The following MTMR14 variants were observed in gnomAD, a reference collection of about 807,000 sequenced individuals.
The protein encoded by MTMR14 is phosphatidylinositol-3,5-bisphosphate 3-phosphatase MTMR14.
Under a neutral mutation model 86.3 loss-of-function variants are expected in MTMR14, and 48 were observed. That is an observed-to-expected ratio of 0.56 (90% confidence interval 0.44 to 0.71). MTMR14 has a LOEUF of 0.71. Ranked by LOEUF, MTMR14 falls within the 30% of genes least tolerant of loss-of-function variation. The probability of loss-of-function intolerance (pLI) is 0.00; values close to 1 mark genes in which losing one functional copy is unlikely to be tolerated. For synonymous variants in MTMR14, 366 were observed against 326.1 expected, an observed-to-expected ratio of 1.12 and a Z score of -1.32; for missense variants, 780 against 834.6, an observed-to-expected ratio of 0.93 and a Z score of 0.81.
chr3:9,660,124 A>G (rs2047839760), intron 2 of MTMR14, among the ~76,000 whole-genome samples: 1 of 152,210 alleles, frequency 6.6e-6, no homozygotes, highest in Admixed American at 6.5e-5. Context: ...GAGTCTAGTT[A>G]GGCAATTAAT....
intron 6 of MTMR14, among the ~76,000 whole-genome samples, chr3:9,672,217 T>TA (rs548966854): frequency 2.0e-4 from 30 of 152,186 alleles, no homozygotes; most frequent in Admixed American, 9.2e-4. Flanking sequence ...CCTTGGTTGA[T>TA]ATGTTGGAAT....
chr3:9,653,966 C>G, intron 2 of MTMR14, 197 bp downstream of exon 2: 1 of 672,398 alleles, frequency 1.5e-6, no homozygotes, highest in Non-Finnish European at 2.6e-6. Context: ...TTGGGAGTAA[C>G]AGCCCTTGAT....
chr3:9,662,159 A>C (rs2047977903), intron 2 of MTMR14, 108 bp from the exon 3 acceptor site: 2 of 775,344 alleles, frequency 2.6e-6, no homozygotes, highest in African/African-American at 3.4e-5. Flanking sequence ...AATTTCAAGC[A>C]AGCATTATGT....
rs530945665 is a variant in MTMR14, at chr3:9,667,122, A to C, written c.418-1597A>C. The stretch of plus-strand genomic sequence containing the variant: ...AGGGTCTCAGAACTCAACAGCCAAA[A>C]AGAAGGCAGCTATCTGCTCTGAAAG... On this transcript the variant is annotated intron_variant, in intron 3 of 18. Coordinates refer to ENST00000296003, the MANE Select transcript of MTMR14 (RefSeq NM_001077525.3). 4.6e-5 allele frequency among the ~76,000 whole-genome samples: 7 copies of C among 152,372 alleles called. No individual in the cohort carries two copies. The South Asian group carries it at 1.0e-3, about 23-fold the overall frequency.
At position 9,672,527 on chromosome 3, in the gene MTMR14, A is replaced by C. The variant is rs1425684146; in HGVS notation, c.678-158A>C. Reference sequence around the variant, plus strand: ...GCACCCAGCTGAAGTTATAGTTCTTAATTGTACAAAGTAGGCACTGCTGAA... The same window carrying C: ...GCACCCAGCTGAAGTTATAGTTCTTCATTGTACAAAGTAGGCACTGCTGAA... On this transcript the variant is annotated intron_variant, in intron 6 of 18. Transcript: ENST00000296003. Among the ~76,000 whole-genome samples the C allele has an allele frequency of 8.5e-5, 13 of 152,334 alleles. No homozygotes were observed. The East Asian group carries it at 2.5e-3, about 29-fold the overall frequency.
chr3:9,697,426 C>G (rs1022765967), intron 17 of MTMR14, among the ~76,000 whole-genome samples: 1 of 152,210 alleles, frequency 6.6e-6, no homozygotes, highest in African/African-American at 2.4e-5. Flanking sequence ...ATGCCCTGGC[C>G]CCAGGCTGTG....
chr3:9,661,880 A>G (rs552088228), intron 2 of MTMR14, among the ~76,000 whole-genome samples: 18 of 151,886 alleles, frequency 1.2e-4, no homozygotes, highest in Non-Finnish European at 2.5e-4. Context: ...TGAGGTCAGG[A>G]GTTTGAGGCC....
chr3:9,649,547 C>T lies in MTMR14; in HGVS notation c.-37C>T. ...TTGGGTGCAGGCAGGTGCCATGGGC[C>T]CGCTTGAGGCACACTGAGGGGACGC... On this transcript the variant is annotated 5_prime_UTR_variant, in exon 1 of 19. Transcript: ENST00000296003. The T allele has an allele frequency of 6.6e-7, 1 of 1,520,824 alleles. No homozygotes were observed. The highest frequency in any genetic ancestry group is 8.8e-7 in the Non-Finnish European group (1 of 1,135,868). The allele number at this position is 1,520,824 out of a possible 1,614,324, so 94.2% of individuals were successfully genotyped here. A position where few individuals can be genotyped will look rare whatever the true frequency, so the allele number is the denominator to read the frequency against.
At chr3:9,690,263 C>T (rs994180342) in intron 17 of MTMR14, 120 bp downstream of exon 17, 2 of 1,112,270 alleles carry the variant, frequency 1.8e-6, no homozygotes, top group African/African-American at 3.1e-5. Context: ...AGCTTGCAGG[C>T]CCAGTATTTG....
chr3:9,678,122 T>G, intron 9 of MTMR14, 64 bp downstream of exon 9: 1 of 1,549,702 alleles, frequency 6.5e-7, no homozygotes, highest in Non-Finnish European at 8.9e-7. Flanking sequence ...AGACTCTTGA[T>G]GCCTGCCCCA....
rs1305752128 is a variant in MTMR14, at chr3:9,649,597, G to A, written c.14G>A (p.Arg5Gln). The A allele has an allele frequency of 6.5e-7, 1 of 1,545,864 alleles. No individual in the cohort carries two copies. Among genetic ancestry groups the A allele is most frequent in the Non-Finnish European group, 8.7e-7 (1 of 1,145,636 alleles). ...CGGGGCTGGGCCATGGCCGGCGCTC[G>A]GGCCGCCGCCGCCGCTGCCTCGGCG... MAGARAAAAAASAGS... is the reference protein window; with the variant it reads MAGAQAAAAAASAGS... Residue 5 changes from arginine to glutamine, a missense_variant, in exon 1 of 19, where the codon CGG (arginine) becomes CAG (glutamine). Transcript: ENST00000296003.
intron 7 of MTMR14, among the ~76,000 whole-genome samples, chr3:9,674,170 T>G (rs985771582): frequency 1.3e-5 from 2 of 152,210 alleles, no homozygotes; most frequent in African/African-American, 4.8e-5. Context: ...ATCACTTCGT[T>G]TAAATTTAGG....
intron 9 of MTMR14, among the ~76,000 whole-genome samples, chr3:9,681,586 A>G (rs1454547691): frequency 6.6e-6 from 1 of 152,234 alleles, no homozygotes; most frequent in African/African-American, 2.4e-5. Flanking sequence ...CTCTAGGCAT[A>G]GAAACATAAG....
chr3:9,671,211 T>C, intron 6 of MTMR14, 41 bp downstream of exon 6: 1 of 1,613,764 alleles, frequency 6.2e-7, no homozygotes, highest in Non-Finnish European at 8.5e-7. Flanking sequence ...AGAGGCAGTG[T>C]GTACAGATTT....
intron 6 of MTMR14, among the ~76,000 whole-genome samples, chr3:9,672,389 G>A (rs997462397): frequency 1.3e-5 from 2 of 152,044 alleles, no homozygotes; most frequent in South Asian, 2.1e-4. Context: ...ACAGGAGCGC[G>A]CTGCCACACC....
chr3:9,690,757 C>T (rs567475570), intron 17 of MTMR14, among the ~76,000 whole-genome samples: 1 of 152,364 alleles, frequency 6.6e-6, no homozygotes, highest in Non-Finnish European at 1.5e-5. Context: ...TTTCCTACCA[C>T]TTTCATACTC....
At chr3:9,682,863 TGG>T (rs2125250969) in intron 9 of MTMR14, among the ~76,000 whole-genome samples, 1 of 152,058 alleles carries the variant, frequency 6.6e-6, no homozygotes, top group African/African-American at 2.4e-5. Flanking sequence ...GACCCTAATG[TGG>T]GCAGGGGGCT....
At chr3:9,673,133 G>A (rs750709300) in intron 7 of MTMR14, among the ~76,000 whole-genome samples, 1 of 152,220 alleles carries the variant, frequency 6.6e-6, no homozygotes. Context: ...GACATTATTA[G>A]TACTCTGTGT....
At chr3:9,684,840 C>T in intron 11 of MTMR14, 48 bp from the exon 12 acceptor site, 1 of 1,602,290 alleles carries the variant, frequency 6.2e-7, no homozygotes, top group South Asian at 1.1e-5. Context: ...GGTTCAGCTC[C>T]TGGGGATGAG....
Sources: allele counts gnomAD v4.1 joint callset (sites outside exome capture counted in the v4.1 genomes callset), GRCh38; gene constraint gnomAD v4.1.1; transcripts MANE v1.5; gene names NCBI Gene and HGNC (gene_info 2026-07-23, HGNC 2026-07-21).